NPHP4: variants seen among roughly 807,000 people sequenced by gnomAD.
NPHP4 encodes nephrocystin-4.
Under a neutral mutation model 155.8 loss-of-function variants are expected in NPHP4, and 151 were observed. The observed-to-expected ratio is 0.97, with a 90% confidence interval of 0.85 to 1.11. The LOEUF (loss-of-function observed/expected upper bound fraction) is 1.11. Among genes scored for constraint, NPHP4 ranks in the 50% least tolerant of loss-of-function variants. The pLI is 0.00. For synonymous variants in NPHP4, 845 were observed against 816.8 expected, an observed-to-expected ratio of 1.03 and a Z score of -0.59; for missense variants, 1,956 against 1,925.7, an observed-to-expected ratio of 1.02 and a Z score of -0.29.
intron 18 of NPHP4, among the ~76,000 whole-genome samples, chr1:5,885,648 A>G (rs963927334): frequency 3.3e-5 from 5 of 152,212 alleles, no homozygotes; most frequent in African/African-American, 1.2e-4. Context: ...AGACAGGAAC[A>G]TGCACTGTGA....
rs1338194901 is a variant in NPHP4 at position 5,887,315 on chromosome 1, C to A, written c.2456G>T (p.Gly819Val). The change falls in exon 18 of 30, where the codon GGC becomes GTC. Residue 819 changes from glycine (G) to valine (V), a missense_variant. Physicochemically the swap from Gly to Val is moderately radical, Grantham distance 109 (BLOSUM62 -3). Transcript: ENST00000378156. ...GTTGGCCAAAGTCAGGTGCAGCCGG[C>A]CCTTCACCACCGAGTGGACGCCGAT... ...KPIGVHSVVK[G>V]RLHLTLANVG... is the part of the protein sequence containing the mutation. 1 of 1,613,472 alleles carries A rather than the reference C, an allele frequency of 6.2e-7. No homozygotes were observed. The highest frequency in any genetic ancestry group is 1.7e-5 in the Admixed American group (1 of 60,010).
At chr1:5,907,274 C>T in intron 12 of NPHP4, 52 bp from the exon 13 acceptor site, 2 of 1,228,558 alleles carry the variant, frequency 1.6e-6, no homozygotes, top group South Asian at 1.5e-5. Flanking sequence ...CCAGTCCGTC[C>T]ACAAAGCTCC....
chr1:5,928,265 C>T (rs575059493), intron 10 of NPHP4, among the ~76,000 whole-genome samples: 5 of 152,190 alleles, frequency 3.3e-5, no homozygotes, highest in African/African-American at 7.2e-5. Context: ...ACTGTCATTT[C>T]GTCTTTTTGA....
At chr1:5,917,119 G>A (rs926117338) in intron 11 of NPHP4, among the ~76,000 whole-genome samples, 2 of 152,120 alleles carry the variant, frequency 1.3e-5, no homozygotes, top group African/African-American at 4.8e-5. Context: ...ACTCTCTTCT[G>A]GTGGTTTTCC....
chr1:5,924,552 A>G (rs1024250136), intron 11 of NPHP4, among the ~76,000 whole-genome samples: 9 of 152,208 alleles, frequency 5.9e-5, no homozygotes, highest in African/African-American at 2.2e-4. Flanking sequence ...CCAGCCCAAA[A>G]GCCCGACAGC....
intron 9 of NPHP4, among the ~76,000 whole-genome samples, chr1:5,937,101 G>A (rs532487786): frequency 2.6e-5 from 4 of 152,332 alleles, no homozygotes; most frequent in South Asian, 4.1e-4. Context: ...CAGAACCTCC[G>A]GAGGAACTCA....
At chr1:5,991,981 C>G (rs1346123955) in intron 1 of NPHP4, among the ~76,000 whole-genome samples, 1 of 150,468 alleles carries the variant, frequency 6.6e-6, no homozygotes, top group African/African-American at 2.5e-5. Context: ...AGAAAGGAAC[C>G]CACGTAGCCA....
At chr1:5,931,942 C>T (rs1570496835) in intron 10 of NPHP4, among the ~76,000 whole-genome samples, 2 of 152,014 alleles carry the variant, frequency 1.3e-5, no homozygotes, top group African/African-American at 4.8e-5. Flanking sequence ...GGCATGGTGG[C>T]ACATGCCTGT....
rs929296908 is a variant in NPHP4, at chr1:5,914,383, G to A, written c.1442-5170C>T. On this transcript the variant is annotated intron_variant, in intron 11 of 29. Transcript: ENST00000378156. The stretch of plus-strand genomic sequence containing the variant: ...TGGAAGGTGGAAGCCACAGTGAGCC[G>A]TGACTACGCCATTGCACTCCAGCCT... Among the ~76,000 whole-genome samples, 7 of 151,266 alleles carry A rather than the reference G, an allele frequency of 4.6e-5. No homozygotes were observed. The East Asian group carries it at 5.8e-4, about 13-fold the overall frequency.
Position 5,905,212 on chromosome 1 carries a change from A to T in NPHP4, c.1955+80T>A. On this transcript the variant is annotated intron_variant, in intron 15 of 29. Transcript: ENST00000378156. This position sits in a 1 kb window ranked among gnomAD's most constrained non-coding sequence, Gnocchi z 4.0. The stretch of plus-strand genomic sequence containing the variant: ...AGACCTCAGCACAGACAGTTCTGCC[A>T]GGTCAGAACCTCAGCGAAGTTTCTC... 1 of 1,145,672 alleles carries T rather than the reference A, an allele frequency of 8.7e-7. No individual in the cohort carries two copies. The highest frequency in any genetic ancestry group is 1.3e-6 in the Non-Finnish European group (1 of 755,048). The allele number at this position is 1,145,672 out of a possible 1,614,324, so 71.0% of individuals were successfully genotyped here.
At position 5,986,785 on chromosome 1, in the gene NPHP4, G is replaced by A. The variant is rs551187995; in HGVS notation, c.-38-458C>T. ...CCCCCGTGGGCCAGACTCAGGGCAC[G>A]ACTCTCCTGACCTCTGTGGCTGGTT... On this transcript the variant is annotated intron_variant, in intron 1 of 29. Transcript: ENST00000378156. 3.3e-5 allele frequency among the ~76,000 whole-genome samples: 5 copies of A among 152,200 alleles called. No homozygotes were observed. The East Asian group carries it at 7.7e-4, about 24-fold the overall frequency.
chr1:5,959,747 C>T (rs897405209), intron 6 of NPHP4, among the ~76,000 whole-genome samples: 42 of 152,258 alleles, frequency 2.8e-4, no homozygotes, highest in African/African-American at 7.9e-4. Flanking sequence ...CATCTCACAG[C>T]TAGTCCCAAG....
At chr1:5,907,389 C>T (rs1047473659) in intron 12 of NPHP4, among the ~76,000 whole-genome samples, 167 bp from the exon 13 acceptor site, 6 of 152,292 alleles carry the variant, frequency 3.9e-5, no homozygotes, top group Non-Finnish European at 8.8e-5. Flanking sequence ...AACCTGGGAC[C>T]GCTTCTCAAG....
At chr1:5,990,042 C>A (rs1656010768) in intron 1 of NPHP4, among the ~76,000 whole-genome samples, 1 of 152,182 alleles carries the variant, frequency 6.6e-6, no homozygotes, top group South Asian at 2.1e-4. Flanking sequence ...AGGTGGGAGC[C>A]CAAGCGCCCG....
At chr1:5,914,740 G>A (rs1348809809) in intron 11 of NPHP4, among the ~76,000 whole-genome samples, 2 of 152,204 alleles carry the variant, frequency 1.3e-5, no homozygotes, top group African/African-American at 4.8e-5. Context: ...GTGGAGGACG[G>A]GGCTGTGGTC....
chr1:5,898,716 A>T (rs1405691005), intron 16 of NPHP4, among the ~76,000 whole-genome samples: 1 of 152,234 alleles, frequency 6.6e-6, no homozygotes, highest in Admixed American at 6.5e-5. Flanking sequence ...TAGGACAACT[A>T]TTCAGGGCTG....
chr1:5,971,659 T>C (rs1348538184), intron 3 of NPHP4, among the ~76,000 whole-genome samples: 1 of 152,174 alleles, frequency 6.6e-6, no homozygotes, highest in African/African-American at 2.4e-5. Context: ...GACCACCCAA[T>C]TCCCGCCTCA....
intron 1 of NPHP4, among the ~76,000 whole-genome samples, chr1:5,988,504 C>A (rs1655805718): frequency 6.6e-6 from 1 of 152,176 alleles, no homozygotes; most frequent in Non-Finnish European, 1.5e-5. Flanking sequence ...TAACATGTCA[C>A]AGCCTTATTT....
intron 3 of NPHP4, among the ~76,000 whole-genome samples, chr1:5,972,465 T>C (rs1215886910): frequency 1.3e-5 from 2 of 152,204 alleles, no homozygotes; most frequent in Non-Finnish European, 2.9e-5. Flanking sequence ...AAACTCTCAT[T>C]TGGAGTAAAA....
Sources: allele counts gnomAD v4.1 joint callset (sites outside exome capture counted in the v4.1 genomes callset), GRCh38; gene constraint gnomAD v4.1.1; non-coding constraint Gnocchi (gnomAD v3.1); transcripts MANE v1.5; gene names NCBI Gene and HGNC (gene_info 2026-07-23, HGNC 2026-07-21).